The following ZNF75D variants were observed in gnomAD, a reference collection of about 807,000 sequenced individuals.
ZNF75D encodes the protein zinc finger protein 75.
ZNF75D carries 33 observed loss-of-function variants against 33.3 expected under a neutral mutation model. The ratio of observed to expected loss-of-function variants is 0.99; its 90% CI spans 0.75 to 1.32. The LOEUF (loss-of-function observed/expected upper bound fraction) is 1.32. ZNF75D is among the 40% of genes most tolerant of loss of function. The probability of loss-of-function intolerance (pLI) is 0.00; values close to 1 mark genes in which losing one functional copy is unlikely to be tolerated. For missense variants in ZNF75D, 338 were observed against 367.5 expected (o/e 0.92, Z 0.66); for synonymous variants, 113 against 130.6 (o/e 0.87, Z 0.92).
intron 1 of ZNF75D, among the ~76,000 whole-genome samples, chrX:135,300,950 C>T (rs1320748803): frequency 9.0e-6 from 1 of 111,000 alleles, no homozygotes; most frequent in African/African-American, 3.3e-5. Context: ...ATTCAACAGG[C>T]GTATTAGTCT....
At chrX:135,298,174 T>A (rs1227926639) in intron 1 of ZNF75D, 2 of 111,006 alleles carry the variant, frequency 1.8e-5, no homozygotes, top group African/African-American at 6.6e-5. Flanking sequence ...AGGAAAAATG[T>A]AGATCAATTT....
intron 1 of ZNF75D, among the ~76,000 whole-genome samples, chrX:135,267,821 C>T (rs2083868633): frequency 1.0e-5 from 1 of 100,202 alleles, no homozygotes; most frequent in Non-Finnish European, 2.1e-5. Flanking sequence ...AAAAAAAAAA[C>T]CTACAGACCA....
intron 1 of ZNF75D, among the ~76,000 whole-genome samples, chrX:135,263,037 TC>T (rs1241533333): frequency 1.8e-5 from 2 of 112,881 alleles, no homozygotes; most frequent in Non-Finnish European, 3.7e-5. Context: ...TAGTTTTCCT[TC>T]TAACAGTCAG....
At chrX:135,309,723 C>A (rs1192390369) in intron 1 of ZNF75D, 2 of 293,375 alleles carry the variant, frequency 6.8e-6, no homozygotes, top group Non-Finnish European at 1.2e-5. Flanking sequence ...TGAGGCCTGC[C>A]CAGAATTTTG....
intron 1 of ZNF75D, among the ~76,000 whole-genome samples, chrX:135,334,979 T>G (rs1424985355): frequency 9.0e-6 from 1 of 111,121 alleles, no homozygotes; most frequent in Non-Finnish European, 1.9e-5. Flanking sequence ...CTGCTACTCC[T>G]GGGCCTCTTA....
At chrX:135,301,197 A>G (rs1397206924) in intron 1 of ZNF75D, among the ~76,000 whole-genome samples, 1 of 111,440 alleles carries the variant, frequency 9.0e-6, no homozygotes, top group African/African-American at 3.3e-5. Flanking sequence ...CTATCACGAG[A>G]ACAGCATGGG....
chrX:135,313,351 A>G (rs2084382297), intron 1 of ZNF75D, among the ~76,000 whole-genome samples: 1 of 111,637 alleles, frequency 9.0e-6, no homozygotes, highest in Non-Finnish European at 1.9e-5. Context: ...CTAAGTGGCT[A>G]TTTTTATACT....
At chrX:135,304,088 G>T (rs900085608) in intron 1 of ZNF75D, among the ~76,000 whole-genome samples, 21 of 112,222 alleles carry the variant, frequency 1.9e-4, no homozygotes, top group African/African-American at 6.8e-4. Context: ...GTGGAGCTGG[G>T]CATTGCAAGT....
intron 1 of ZNF75D, among the ~76,000 whole-genome samples, chrX:135,261,849 C>T (rs2083843867): frequency 1.8e-5 from 2 of 111,537 alleles, no homozygotes; most frequent in South Asian, 7.5e-4. Flanking sequence ...ATGATGTTCG[C>T]TGGTTATTTT....
intron 3 of ZNF75D, chrX:135,249,302 C>G (rs1244079714): frequency 2.7e-5 from 7 of 261,982 alleles, no homozygotes; most frequent in Non-Finnish European, 5.1e-5. Flanking sequence ...GAAGAGGGAC[C>G]TGTGAAAGTT....
chrX:135,340,770 C>G (rs2084774284), intron 1 of ZNF75D, among the ~76,000 whole-genome samples: 1 of 111,858 alleles, frequency 8.9e-6, no homozygotes, highest in Non-Finnish European at 1.9e-5. Context: ...ACATACGTCT[C>G]GTGACTGAGA....
intron 4 of ZNF75D, 94 bp downstream of exon 4, chrX:135,292,187 A>G (rs2084052270): frequency 1.3e-5 from 12 of 906,222 alleles, no homozygotes; most frequent in Middle Eastern, 4.1e-4. Context: ...AGCTGCTAGC[A>G]TGGCTGGCCA....
At chrX:135,324,069 G>A (rs1030189643) in intron 1 of ZNF75D, among the ~76,000 whole-genome samples, 6 of 110,572 alleles carry the variant, frequency 5.4e-5, no homozygotes, top group Non-Finnish European at 9.5e-5. Flanking sequence ...CTCACATACC[G>A]AGGCTTTCTG....
chrX:135,320,906 G>C (rs2084486916), intron 1 of ZNF75D, among the ~76,000 whole-genome samples: 1 of 110,882 alleles, frequency 9.0e-6, no homozygotes, highest in African/African-American at 3.3e-5. Context: ...TGCTACAGAG[G>C]AAAGAAATGA....
At chrX:135,321,948 T>C (rs976276342) in intron 1 of ZNF75D, among the ~76,000 whole-genome samples, 7 of 112,202 alleles carry the variant, frequency 6.2e-5, no homozygotes, top group African/African-American at 2.3e-4. Flanking sequence ...AACTAACTTG[T>C]TTACTCATGT....
downstream of ZNF75D, among the ~76,000 whole-genome samples, chrX:135,282,031 C>T (rs371341212): frequency 2.8e-4 from 31 of 112,496 alleles, no homozygotes; most frequent in African/African-American, 9.0e-4. Flanking sequence ...CTGTGAGATC[C>T]GTTGCTCTCT....
intron 1 of ZNF75D, among the ~76,000 whole-genome samples, chrX:135,307,381 G>A (rs1556425992): frequency 9.0e-6 from 1 of 110,862 alleles, no homozygotes. Context: ...GTGCAGGCAA[G>A]CCACATCTCC....
chrX:135,279,025 C>T (rs2083910204), intron 1 of ZNF75D, among the ~76,000 whole-genome samples: 1 of 111,394 alleles, frequency 9.0e-6, no homozygotes, highest in Non-Finnish European at 1.9e-5. Context: ...GGGAGGAGTC[C>T]CTCTTTTTCT....
chrX:135,284,576 T>A (rs1424914767), downstream of ZNF75D, among the ~76,000 whole-genome samples: 1 of 111,547 alleles, frequency 9.0e-6, no homozygotes, highest in Non-Finnish European at 1.9e-5. Flanking sequence ...TGGTGGAGTA[T>A]CTGAACTTGG....
Sources: allele counts gnomAD v4.1 joint callset (sites outside exome capture counted in the v4.1 genomes callset), GRCh38; gene constraint gnomAD v4.1.1; transcripts MANE v1.5; gene names NCBI Gene and HGNC (gene_info 2026-07-23, HGNC 2026-07-21).